ARFGEF3: variants seen among roughly 807,000 people sequenced by gnomAD.
The protein encoded by ARFGEF3 is brefeldin A-inhibited guanine nucleotide-exchange protein 3.
Under a neutral mutation model 221.7 loss-of-function variants are expected in ARFGEF3, and 96 were observed. The ratio of observed to expected loss-of-function variants is 0.43; its 90% CI spans 0.37 to 0.51. The LOEUF (loss-of-function observed/expected upper bound fraction) is 0.51, where lower values mean the gene tolerates loss of function less well. Among genes scored for constraint, ARFGEF3 ranks in the 20% least tolerant of loss-of-function variants. The probability of loss-of-function intolerance (pLI) is 0.00; values close to 1 mark genes in which losing one functional copy is unlikely to be tolerated. For missense variants in ARFGEF3, 2,410 were observed against 2,789.9 expected, an observed-to-expected ratio of 0.86 and a Z score of 3.07; for synonymous variants, 1,145 against 1,126.8, an observed-to-expected ratio of 1.02 and a Z score of -0.32.
In ARFGEF3 at chr6:138,328,073, A is replaced by G. The variant is rs1297199245; in HGVS notation, c.5054A>G (p.His1685Arg). Residue 1685 changes from histidine (H) to arginine (R), a missense_variant, in exon 32 of 34, where the codon CAC becomes CGC. Around this residue, in one of 5 missense-constraint regions of ARFGEF3, gnomAD observed 723 missense variants for 991.9 expected, o/e 0.73. Coordinates refer to ENST00000251691, the MANE Select transcript of ARFGEF3 (RefSeq NM_020340.5). ...CCAAAGACACCAAACAACTTTGACCACGCTCAGTCCTGCCAGCTCATTATT... is the reference window on the plus strand; with the variant it reads ...CCAAAGACACCAAACAACTTTGACCGCGCTCAGTCCTGCCAGCTCATTATT... The part of the protein sequence containing the change: ...CSPKTPNNFD[H>R]AQSCQLIIEL... 6.4e-7 allele frequency: 1 copy of G among 1,564,652 alleles called. No individual in the cohort carries two copies. The highest frequency in any genetic ancestry group is 1.4e-5 in the African/African-American group (1 of 73,818).
intron 2 of ARFGEF3, among the ~76,000 whole-genome samples, chr6:138,198,873 T>C (rs1355455765): frequency 6.6e-6 from 1 of 152,280 alleles, no homozygotes; most frequent in Non-Finnish European, 1.5e-5. Context: ...CAGTGTGCCC[T>C]ACGCATAGTT....
chr6:138,249,089 G>T (rs1397411244), intron 8 of ARFGEF3, among the ~76,000 whole-genome samples: 1 of 152,120 alleles, frequency 6.6e-6, no homozygotes, highest in African/African-American at 2.4e-5. Flanking sequence ...GCTTTAAACT[G>T]GTTTGTTTGC....
At chr6:138,201,968 A>G (rs1402820420) in intron 2 of ARFGEF3, among the ~76,000 whole-genome samples, 1 of 152,212 alleles carries the variant, frequency 6.6e-6, no homozygotes, top group African/African-American at 2.4e-5. Flanking sequence ...AACCATGACT[A>G]TGCAGTTAAG....
chr6:138,301,812 G>A (rs1439608559), intron 22 of ARFGEF3, among the ~76,000 whole-genome samples: 3 of 152,194 alleles, frequency 2.0e-5, no homozygotes, highest in Admixed American at 6.6e-5. Context: ...AGGTGTTTGA[G>A]CATAGTTTCC....
intron 2 of ARFGEF3, among the ~76,000 whole-genome samples, chr6:138,177,675 T>G (rs1345047750): frequency 1.3e-5 from 2 of 152,110 alleles, no homozygotes; most frequent in Non-Finnish European, 2.9e-5. Context: ...TCTTTTTTCC[T>G]TATATTTTGC....
rs1233592677 is a variant in ARFGEF3 at position 138,249,754 on chromosome 6, G to A, written c.666-4126G>A. Reference sequence around the variant, plus strand: ...ATGATTTTATAGGATTCTCAGTCTTGTTTGATTTTCCAGTACAATTCCCCT... The same window carrying A: ...ATGATTTTATAGGATTCTCAGTCTTATTTGATTTTCCAGTACAATTCCCCT... On this transcript the variant is annotated intron_variant, in intron 8 of 33. Transcript: ENST00000251691. Among the ~76,000 whole-genome samples the A allele has an allele frequency of 3.9e-5, 6 of 152,188 alleles. No homozygotes were observed. In the East Asian group the frequency reaches 1.2e-3, roughly 29 times the overall value.
Position 138,341,141 on chromosome 6 carries a change from G to A in ARFGEF3, c.*4655G>A, listed in dbSNP as rs1399022534. ...GTGTCTGGAACGGCATGCACAATTT[G>A]TAAACCTTTTTCAAATATCATTTAA... On this transcript the variant is annotated 3_prime_UTR_variant, in exon 34 of 34. Transcript: ENST00000251691. 2.0e-5 allele frequency: 3 copies of A among 152,406 alleles called. No homozygotes were observed. Among genetic ancestry groups the A allele is most frequent in the African/African-American group, 7.2e-5 (3 of 41,434 alleles). The allele number at this position is 152,406 out of a possible 1,614,324, so 9.4% of individuals were successfully genotyped here. A position where few individuals can be genotyped will look rare whatever the true frequency, so the allele number is the denominator to read the frequency against.
chr6:138,282,497 ACTGG>A (rs200494076), intron 14 of ARFGEF3, among the ~76,000 whole-genome samples: 5,700 of 152,264 alleles, frequency 0.037, 141 homozygotes, highest in Non-Finnish European at 0.056. Context: ...GTCAGAATAA[ACTGG>A]CAGGTGGAAC....
intron 17 of ARFGEF3, 42 bp from the exon 18 acceptor site, chr6:138,289,776 C>T (rs1199497191): frequency 1.9e-6 from 3 of 1,586,402 alleles, no homozygotes; most frequent in Non-Finnish European, 2.6e-6. Flanking sequence ...TTCTGTCTCC[C>T]TTACTCAACC....
chr6:138,234,053 T>C (rs756513760), intron 5 of ARFGEF3, among the ~76,000 whole-genome samples: 2 of 152,234 alleles, frequency 1.3e-5, no homozygotes, highest in Admixed American at 6.5e-5. Flanking sequence ...TAGTTACTGC[T>C]AGATGGGCTT....
chr6:138,224,948 T>C (rs749158219), intron 4 of ARFGEF3, among the ~76,000 whole-genome samples: 1 of 152,182 alleles, frequency 6.6e-6, no homozygotes, highest in Non-Finnish European at 1.5e-5. Flanking sequence ...TTGTAAAATA[T>C]GTGGGAATGG....
At chr6:138,321,383 C>A (rs1413585052) in intron 29 of ARFGEF3, among the ~76,000 whole-genome samples, 158 bp downstream of exon 29, 2 of 152,142 alleles carry the variant, frequency 1.3e-5, no homozygotes, top group African/African-American at 2.4e-5. Flanking sequence ...TTCTTCATTT[C>A]AGTGTTCAGT....
chr6:138,328,011 C>T lies in ARFGEF3; in HGVS notation c.5002-10C>T, dbSNP rs947011987. 4 of 1,550,356 alleles carry T rather than the reference C, an allele frequency of 2.6e-6. No individual in the cohort carries two copies. The highest frequency in any genetic ancestry group is 3.5e-6 in the Non-Finnish European group (4 of 1,146,110). ...GGAGTTCTGAAATGTACCTTTGCAC[C>T]CCCATACAGGTGTTTATGCTGGACA... is the stretch of plus-strand genomic sequence containing the variant. On this transcript the variant is annotated splice_polypyrimidine_tract_variant and intron_variant, in intron 31 of 33. Coordinates refer to ENST00000251691, the MANE Select transcript of ARFGEF3 (RefSeq NM_020340.5).
In ARFGEF3 at chr6:138,225,216, T is replaced by C. The variant is rs918753896; in HGVS notation, c.352-4568T>C. 3.9e-5 allele frequency among the ~76,000 whole-genome samples: 6 copies of C among 152,266 alleles called. No homozygotes were observed. The East Asian group carries it at 1.2e-3, about 29-fold the overall frequency. On this transcript the variant is annotated intron_variant, in intron 4 of 33. Coordinates refer to ENST00000251691, the MANE Select transcript of ARFGEF3 (RefSeq NM_020340.5). ...GCCCTAGTTTATCTCCTTTTAGTTATAATTTATTGGCCTGACCAGCCCTAA... is the reference window on the plus strand; with the variant it reads ...GCCCTAGTTTATCTCCTTTTAGTTACAATTTATTGGCCTGACCAGCCCTAA...
intron 18 of ARFGEF3, 89 bp downstream of exon 18, chr6:138,290,057 A>C (rs905913287): frequency 7.9e-7 from 1 of 1,273,756 alleles, no homozygotes; most frequent in African/African-American, 1.5e-5. Context: ...GGGTGGCCTT[A>C]AGAGCCTGCC....
At chr6:138,211,886 A>T (rs1231710332) in intron 4 of ARFGEF3, among the ~76,000 whole-genome samples, 1 of 152,148 alleles carries the variant, frequency 6.6e-6, no homozygotes, top group African/African-American at 2.4e-5. Flanking sequence ...TCCACCAGAA[A>T]TCGTGGAAAG....
chr6:138,324,565 G>T (rs1304071368), intron 31 of ARFGEF3, among the ~76,000 whole-genome samples: 6 of 152,158 alleles, frequency 3.9e-5, no homozygotes, highest in Non-Finnish European at 5.9e-5. Context: ...ACATTTAAAA[G>T]TTGCTTAATA....
chr6:138,289,101 G>A (rs1351838962), intron 17 of ARFGEF3, among the ~76,000 whole-genome samples: 1 of 152,112 alleles, frequency 6.6e-6, no homozygotes. Flanking sequence ...TTACAGGCAT[G>A]TGCCACCATG....
chr6:138,208,379 G>GAA (rs148640812), intron 3 of ARFGEF3, among the ~76,000 whole-genome samples: 45 of 149,376 alleles, frequency 3.0e-4, no homozygotes, highest in Admixed American at 1.4e-3. Context: ...ACATGATTCT[G>GAA]AAAAAAAAAA....
Sources: gnomAD v4.1 joint callset for allele counts (sites outside exome capture counted in the v4.1 genomes callset) on GRCh38, gnomAD v4.1.1 for gene constraint, gnomAD v4.1.1 regional missense constraint, MANE v1.5 for transcripts, NCBI Gene and HGNC (gene_info 2026-07-23, HGNC 2026-07-21) for gene names.